The following PLPP1 variants were observed in gnomAD, a reference collection of about 807,000 sequenced individuals.
PLPP1 encodes the protein phospholipid phosphatase 1.
PLPP1 carries 24 observed loss-of-function variants against 31.2 expected under a neutral mutation model. That is an observed-to-expected ratio of 0.77 (90% confidence interval 0.56 to 1.08). The LOEUF is 1.08. PLPP1 is among the 50% of genes least tolerant of loss of function. The pLI is 0.00. For missense variants in PLPP1, 319 were observed against 342.7 expected, an observed-to-expected ratio of 0.93 and a Z score of 0.55; for synonymous variants, 146 against 126.3, an observed-to-expected ratio of 1.16 and a Z score of -1.05.
chr5:55,458,911 A>AAAAAAAAAAAAAAAAAAAG (rs1752086292), intron 3 of PLPP1, among the ~76,000 whole-genome samples: 1 of 146,942 alleles, frequency 6.8e-6, no homozygotes, highest in African/African-American at 2.5e-5. Context: ...AAAAAAAAAA[A>AAAAAAAAAAAAAAAAAAAG]AAAAACACAT....
At chr5:55,433,464 GTAAAGT>G (rs1245328750) in intron 4 of PLPP1, among the ~76,000 whole-genome samples, 1 of 114,382 alleles carries the variant, frequency 8.7e-6, no homozygotes, top group Non-Finnish European at 1.8e-5. Context: ...GATAAATTCA[GTAAAGT>G]TAAAGGATAT....
intron 1 of PLPP1, among the ~76,000 whole-genome samples, chr5:55,491,874 A>AAG (rs1561244831): frequency 7.0e-6 from 1 of 143,466 alleles, no homozygotes; most frequent in East Asian, 2.0e-4. Flanking sequence ...AAAAAAAAAA[A>AAG]AAGAAAGAAA....
chr5:55,491,853 ATC>A (rs1449308163), intron 1 of PLPP1, among the ~76,000 whole-genome samples: 1 of 87,446 alleles, frequency 1.1e-5, no homozygotes, highest in East Asian at 2.7e-4. Flanking sequence ...GCAAGACTCA[ATC>A]TCAGGAAAAA....
rs531251825 is a variant in PLPP1, at chr5:55,534,633, C to A, written c.-4G>T. ...GCAGCCGCGTCTTGTCAAACATGGT[C>A]TCTGCCCGGGCTGCCCGGCAAGGGC... On this transcript the variant is annotated 5_prime_UTR_variant, in exon 1 of 6. Transcript: ENST00000307259. 7 of 1,551,874 alleles carry A rather than the reference C, an allele frequency of 4.5e-6. No individual in the cohort carries two copies. In the African/African-American group the frequency reaches 9.8e-5, roughly 22 times the overall value.
At chr5:55,455,980 G>A (rs1240718409) in intron 3 of PLPP1, among the ~76,000 whole-genome samples, 5 of 151,992 alleles carry the variant, frequency 3.3e-5, no homozygotes, top group Admixed American at 6.6e-5. Flanking sequence ...AGCTACAGAT[G>A]TGAACTACCT....
intron 3 of PLPP1, among the ~76,000 whole-genome samples, chr5:55,448,105 C>G (rs1414054248): frequency 1.3e-5 from 2 of 152,144 alleles, no homozygotes; most frequent in Non-Finnish European, 2.9e-5. Context: ...GAGCAATGAC[C>G]TCTTAATGAA....
intron 2 of PLPP1, among the ~76,000 whole-genome samples, chr5:55,471,324 C>T (rs2111797522): frequency 6.6e-6 from 1 of 152,030 alleles, no homozygotes; most frequent in East Asian, 1.9e-4. Context: ...GCTTCAGCCT[C>T]CTGTGTAGCC....
intron 3 of PLPP1, among the ~76,000 whole-genome samples, chr5:55,464,536 C>G (rs1438203211): frequency 6.6e-6 from 1 of 152,154 alleles, no homozygotes; most frequent in Non-Finnish European, 1.5e-5. Flanking sequence ...CATACCCAGC[C>G]AGAACAGCTT....
intron 1 of PLPP1, among the ~76,000 whole-genome samples, chr5:55,512,556 GAAA>G (rs1486788841): frequency 1.2e-4 from 17 of 145,754 alleles, no homozygotes; most frequent in African/African-American, 3.1e-4. Context: ...AAGAAAGAAA[GAAA>G]GAAAGAAAGA....
rs371687902 is a variant in PLPP1, at chr5:55,486,838, G to A, written c.59-11388C>T. 1.8e-4 allele frequency among the ~76,000 whole-genome samples: 28 copies of A among 151,680 alleles called. No homozygotes were observed. In the East Asian group the frequency reaches 2.3e-3, roughly 13 times the overall value. On this transcript the variant is annotated intron_variant, in intron 1 of 5. Transcript: ENST00000307259. ...TGAGGCAGGAGAATCGCTTGAACCC[G>A]GGAGGTGGAGGTTGCAGTGAGCCAA... is the stretch of plus-strand genomic sequence containing the variant.
chr5:55,466,719 G>T (rs1327445150), intron 3 of PLPP1, among the ~76,000 whole-genome samples: 1 of 150,828 alleles, frequency 6.6e-6, no homozygotes, highest in Non-Finnish European at 1.5e-5. Flanking sequence ...AAGAAAAAAA[G>T]GAAAAGAAAA....
intron 1 of PLPP1, among the ~76,000 whole-genome samples, chr5:55,493,266 G>A (rs1320269029): frequency 6.7e-6 from 1 of 150,118 alleles, no homozygotes; most frequent in Non-Finnish European, 1.5e-5. Context: ...AGTAAGCCAT[G>A]TTCACACTAC....
At chr5:55,428,388 G>A (rs746001257) in intron 4 of PLPP1, among the ~76,000 whole-genome samples, 1 of 152,156 alleles carries the variant, frequency 6.6e-6, no homozygotes, top group Non-Finnish European at 1.5e-5. Context: ...TTTCTGTAGA[G>A]CTCAAGAAAG....
intron 3 of PLPP1, among the ~76,000 whole-genome samples, chr5:55,443,697 T>A (rs979277521): frequency 1.3e-5 from 2 of 152,252 alleles, no homozygotes; most frequent in Non-Finnish European, 2.9e-5. Context: ...AGCCATAGAA[T>A]GATTTCATTT....
chr5:55,524,840 C>T (rs1229953145), intron 1 of PLPP1, among the ~76,000 whole-genome samples: 3 of 152,144 alleles, frequency 2.0e-5, no homozygotes, highest in African/African-American at 7.2e-5. Context: ...GGAATATTAA[C>T]TCTACTTTTT....
At chr5:55,497,603 A>G (rs1753030623) in intron 1 of PLPP1, among the ~76,000 whole-genome samples, 1 of 151,990 alleles carries the variant, frequency 6.6e-6, no homozygotes, top group Non-Finnish European at 1.5e-5. Flanking sequence ...GGAAAATAAC[A>G]CAGCTGTAAC....
At chr5:55,434,071 GT>G (rs1298083317) in intron 4 of PLPP1, among the ~76,000 whole-genome samples, 41 of 150,828 alleles carry the variant, frequency 2.7e-4, no homozygotes, top group South Asian at 6.3e-4. Context: ...GGAGGTTGCA[GT>G]GAGCCGAGAT....
Position 55,534,769 on chromosome 5 carries a change from G to C in PLPP1, c.-140C>G. 1 of 902,246 alleles carries C rather than the reference G, an allele frequency of 1.1e-6. No homozygotes were observed. Among genetic ancestry groups the C allele is most frequent in the East Asian group, 3.2e-5 (1 of 30,824 alleles). 55.9% of individuals were successfully genotyped at this position (902,246 alleles called of 1,614,324 possible). ...TCCCAGCCGGAGGAGGAGAGCAGCC[G>C]AGGGCGGGCTGAGACCGGGCGGCGC... is the stretch of plus-strand genomic sequence containing the variant. On this transcript the variant is annotated 5_prime_UTR_variant, in exon 1 of 6. Transcript: ENST00000307259.
chr5:55,449,411 C>T (rs956284892), intron 3 of PLPP1, among the ~76,000 whole-genome samples: 2 of 152,188 alleles, frequency 1.3e-5, no homozygotes, highest in Non-Finnish European at 2.9e-5. Flanking sequence ...ATGCCTGCTA[C>T]AGATTTCTTA....
Sources: gnomAD v4.1 joint callset for allele counts (sites outside exome capture counted in the v4.1 genomes callset) on GRCh38, gnomAD v4.1.1 for gene constraint, MANE v1.5 for transcripts, NCBI Gene and HGNC (gene_info 2026-07-23, HGNC 2026-07-21) for gene names.